PAK3: variants seen among roughly 807,000 people sequenced by gnomAD.
PAK3 encodes the protein p21 (RAC1) activated kinase 3.
Under a neutral mutation model 41.0 loss-of-function variants are expected in PAK3, and 4 were observed. That is an observed-to-expected ratio of 0.10 (90% confidence interval 0.05 to 0.22). The LOEUF (loss-of-function observed/expected upper bound fraction) is 0.22, where lower values mean the gene tolerates loss of function less well. Ranked by LOEUF, PAK3 falls within the 10% of genes least tolerant of loss-of-function variation. The probability of loss-of-function intolerance (pLI) is 1.00; values close to 1 mark genes in which losing one functional copy is unlikely to be tolerated. For synonymous variants in PAK3, 146 were observed against 139.6 expected (o/e 1.05, Z -0.32); for missense variants, 205 against 409.9 (o/e 0.50, Z 4.32).
chrX:111,164,038 A>T lies in PAK3; in HGVS notation c.766+311A>T, dbSNP rs183734236. Among the ~76,000 whole-genome samples, 248 of 112,411 alleles carry T rather than the reference A, an allele frequency of 2.2e-3. 2 individuals are homozygous for T. The highest frequency in any genetic ancestry group is 3.6e-3 in the Non-Finnish European group (189 of 53,237). On this transcript the variant is annotated intron_variant, in intron 10 of 17. Transcript: ENST00000372007. ...TAGTCTGATAAAATATGTTATGATC[A>T]TAACCCAAGGGCTCTCAACTAATCA...
At chrX:111,212,409 G>C (rs1043861266) in intron 16 of PAK3, among the ~76,000 whole-genome samples, 5 of 110,888 alleles carry the variant, frequency 4.5e-5, no homozygotes, top group African/African-American at 1.6e-4. Context: ...TTTTTACTAA[G>C]AGAGTCCCCA....
chrX:110,951,838 A>G (rs1300172251), intron 1 of PAK3, among the ~76,000 whole-genome samples: 6 of 112,687 alleles, frequency 5.3e-5, no homozygotes, highest in Non-Finnish European at 1.1e-4. Flanking sequence ...TGCTGGCAGC[A>G]TCTGCAACAG....
intron 11 of PAK3, among the ~76,000 whole-genome samples, chrX:111,177,257 G>A (rs898838994): frequency 3.6e-5 from 4 of 111,922 alleles, no homozygotes; most frequent in Non-Finnish European, 7.5e-5. Flanking sequence ...TCACTCTCAG[G>A]AGCTGGATTT....
intron 1 of PAK3, among the ~76,000 whole-genome samples, chrX:111,006,812 C>T (rs182083942): frequency 3.8e-4 from 21 of 54,982 alleles, no homozygotes; most frequent in African/African-American, 9.8e-4. Flanking sequence ...TCTGCATTTC[C>T]CTTTCTTTCT....
chrX:111,087,527 C>T (rs1185665160), intron 1 of PAK3, among the ~76,000 whole-genome samples: 2 of 110,159 alleles, frequency 1.8e-5, no homozygotes, highest in African/African-American at 6.6e-5. Context: ...CCATGGTCAG[C>T]CAATCCTGTG....
At chrX:110,953,953 T>C (rs1008684607) in intron 1 of PAK3, among the ~76,000 whole-genome samples, 7 of 112,210 alleles carry the variant, frequency 6.2e-5, no homozygotes, top group Non-Finnish European at 9.4e-5. Flanking sequence ...AAGCTTTCCT[T>C]TGAATCCTAT....
intron 1 of PAK3, among the ~76,000 whole-genome samples, chrX:111,070,025 T>C (rs2092729855): frequency 9.0e-6 from 1 of 111,532 alleles, no homozygotes; most frequent in Non-Finnish European, 1.9e-5. Context: ...TATCTATTAG[T>C]TTTTTTCTGT....
chrX:110,954,203 T>C (rs959729515), intron 1 of PAK3, among the ~76,000 whole-genome samples: 2 of 112,039 alleles, frequency 1.8e-5, no homozygotes, highest in Non-Finnish European at 3.8e-5. Flanking sequence ...AGCCCTTCAC[T>C]TCATTATGGG....
chrX:111,148,445 G>A (rs904213168), intron 7 of PAK3, among the ~76,000 whole-genome samples: 1 of 111,538 alleles, frequency 9.0e-6, no homozygotes, highest in African/African-American at 3.3e-5. Flanking sequence ...GTCTTTTCTT[G>A]GAGCTTTGAT....
At position 111,220,400 on chromosome X, in the gene PAK3, C is replaced by G; in HGVS notation, c.1588C>G (p.Pro530Ala). ...AGCCAAGCCTCTCTCCAGCCTGACTCCTCTGATTATCGCTGCAAAGGAAGC... is the reference window on the plus strand; with the variant it reads ...AGCCAAGCCTCTCTCCAGCCTGACTGCTCTGATTATCGCTGCAAAGGAAGC... ...KLAKPLSSLT[P>A]LIIAAKEAIK... The change falls in exon 18 of 18, where the codon CCT becomes GCT. Residue 530 changes from proline to alanine, a missense_variant. Transcript: ENST00000372007. 8.3e-7 allele frequency: 1 copy of G among 1,206,224 alleles called. No homozygotes were observed. The highest frequency in any genetic ancestry group is 3.0e-5 in the East Asian group (1 of 33,803).
At chrX:111,039,661 C>A (rs902149365) in intron 1 of PAK3, among the ~76,000 whole-genome samples, 5 of 111,510 alleles carry the variant, frequency 4.5e-5, no homozygotes, top group African/African-American at 1.6e-4. Context: ...AGTGAAAGAA[C>A]TAGGGCAGAA....
intron 1 of PAK3, among the ~76,000 whole-genome samples, chrX:110,975,778 T>A (rs1479167371): frequency 1.8e-5 from 2 of 110,630 alleles, no homozygotes; most frequent in Non-Finnish European, 3.8e-5. Context: ...ACCAAAGGAA[T>A]AGAATAGAGG....
chrX:111,117,603 T>A (rs755371216), intron 4 of PAK3, among the ~76,000 whole-genome samples: 1 of 112,026 alleles, frequency 8.9e-6, no homozygotes, highest in Admixed American at 9.5e-5. Flanking sequence ...AGTGCTGATA[T>A]TTCCAAATAT....
chrX:110,975,016 C>T lies in PAK3; in HGVS notation c.-28+30388C>T, dbSNP rs964404336. On this transcript the variant is annotated intron_variant, in intron 1 of 14. Coordinates refer to the PAK3 transcript ENST00000425146. The stretch of plus-strand genomic sequence containing the variant: ...CACAGCCAATATCATACTGAATGGG[C>T]AAAAACTGGAAGCATTGCCTTGAAA... Among the ~76,000 whole-genome samples, 4 of 111,909 alleles carry T rather than the reference C, an allele frequency of 3.6e-5. No homozygotes were observed. In the East Asian group the frequency reaches 1.1e-3, roughly 31 times the overall value.
At chrX:111,100,832 A>T (rs746159807) in intron 3 of PAK3, among the ~76,000 whole-genome samples, 3 of 111,209 alleles carry the variant, frequency 2.7e-5, no homozygotes, top group Non-Finnish European at 5.7e-5. Flanking sequence ...AGTGATGGGT[A>T]TTGGGTATGT....
At chrX:111,062,452 A>C (rs1375842555) in intron 1 of PAK3, among the ~76,000 whole-genome samples, 3 of 112,385 alleles carry the variant, frequency 2.7e-5, no homozygotes, top group Non-Finnish European at 5.6e-5. Flanking sequence ...AAAATAATTC[A>C]TAGGCAGCAT....
intron 1 of PAK3, among the ~76,000 whole-genome samples, chrX:110,947,563 CAAGTT>C (rs1007539897): frequency 8.0e-5 from 9 of 111,804 alleles, no homozygotes; most frequent in Non-Finnish European, 1.7e-4. Context: ...GTTTTGTGGT[CAAGTT>C]AAGTTTTGGA....
chrX:111,096,553 C>A (rs1388054779), intron 1 of PAK3, 138 bp downstream of exon 1: 1 of 111,092 alleles, frequency 9.0e-6, no homozygotes, highest in Non-Finnish European at 1.9e-5. Context: ...CCTCGAGTCT[C>A]CTACGTGGCT....
intron 1 of PAK3, among the ~76,000 whole-genome samples, chrX:111,055,779 A>G (rs16986333): frequency 0.046 from 5,171 of 111,507 alleles, 292 homozygotes; most frequent in African/African-American, 0.16. Flanking sequence ...GGGAGCAAAC[A>G]TCAGTCTGCA....
Sources: gnomAD v4.1 joint callset for allele counts (sites outside exome capture counted in the v4.1 genomes callset) on GRCh38, gnomAD v4.1.1 for gene constraint, MANE v1.5 for transcripts, NCBI Gene and HGNC (gene_info 2026-07-23, HGNC 2026-07-21) for gene names.